Variants in LINGO2 observed in about 807,000 individuals in gnomAD.
The protein encoded by LINGO2 is leucine rich repeat and Ig domain containing 2, also known as leucine-rich repeat and immunoglobulin-like domain-containing nogo receptor-interacting protein 2.
A neutral mutation model predicts 30.6 loss-of-function variants in LINGO2; 14 were observed. The ratio of observed to expected loss-of-function variants is 0.46; its 90% CI spans 0.30 to 0.72. LINGO2 has a LOEUF of 0.72. Ranked by LOEUF, LINGO2 falls within the 30% of genes least tolerant of loss-of-function variation. LINGO2 has a pLI of 0.07. For missense variants in LINGO2, 729 were observed against 751.7 expected, an observed-to-expected ratio of 0.97 and a Z score of 0.35; for synonymous variants, 317 against 288.5, an observed-to-expected ratio of 1.10 and a Z score of -1.00.
At chr9:29,173,313 T>G in the LINGO2 span, among the ~76,000 whole-genome samples, 8 of 152,244 alleles carry the variant, frequency 5.3e-5, no homozygotes, top group East Asian at 1.5e-3. Flanking sequence ...TCTCCAACCC[T>G]GTATGCTTCA....
At chr9:28,586,611 G>A (rs1318115220) in intron 1 of LINGO2, among the ~76,000 whole-genome samples, 1 of 151,948 alleles carries the variant, frequency 6.6e-6, no homozygotes, top group Non-Finnish European at 1.5e-5. Flanking sequence ...AGGGTATTTA[G>A]TCTTCCCAAA....
intron 2 of LINGO2, among the ~76,000 whole-genome samples, chr9:28,466,307 A>G (rs1034558107): frequency 7.2e-5 from 11 of 152,198 alleles, no homozygotes; most frequent in African/African-American, 2.7e-4. Context: ...TGATCCCATC[A>G]TTTGCAGTGA....
chr9:28,820,917 A>G, the LINGO2 span, among the ~76,000 whole-genome samples: 3 of 152,218 alleles, frequency 2.0e-5, no homozygotes, highest in Admixed American at 6.5e-5. Flanking sequence ...CACTTGGTAA[A>G]GGGTGGAGGA....
At chr9:28,624,993 C>T (rs1385751049) in intron 1 of LINGO2, among the ~76,000 whole-genome samples, 1 of 151,858 alleles carries the variant, frequency 6.6e-6, no homozygotes, top group African/African-American at 2.4e-5. Context: ...TGGTGTCTCC[C>T]TAGATCACAT....
chr9:29,072,735 TTC>T, the LINGO2 span, among the ~76,000 whole-genome samples: 1 of 151,600 alleles, frequency 6.6e-6, no homozygotes, highest in Non-Finnish European at 1.5e-5. Context: ...CTCTCTTGTC[TTC>T]TCTTTCTTCT....
intron 1 of LINGO2, among the ~76,000 whole-genome samples, chr9:28,616,448 C>A (rs541436449): frequency 4.5e-4 from 69 of 152,188 alleles, no homozygotes; most frequent in African/African-American, 1.6e-3. Context: ...CTGAAGGTGA[C>A]AAAAGATGGT....
intron 1 of LINGO2, among the ~76,000 whole-genome samples, chr9:28,542,130 T>A (rs1445883596): frequency 6.6e-6 from 1 of 152,144 alleles, no homozygotes. Context: ...ACAAAGCATC[T>A]GCTAGGGAAC....
At chr9:29,189,550 G>A in the LINGO2 span, among the ~76,000 whole-genome samples, 2 of 151,414 alleles carry the variant, frequency 1.3e-5, no homozygotes, top group Admixed American at 6.6e-5. Flanking sequence ...AGGCAGAGAC[G>A]CTCCTCACTT....
At chr9:28,730,760 A>G in the LINGO2 span, among the ~76,000 whole-genome samples, 1 of 152,144 alleles carries the variant, frequency 6.6e-6, no homozygotes, top group African/African-American at 2.4e-5. Flanking sequence ...GGGAAACTCA[A>G]GCTAAAAGCA....
chr9:28,855,528 C>A, the LINGO2 span, among the ~76,000 whole-genome samples: 3 of 151,902 alleles, frequency 2.0e-5, no homozygotes, highest in African/African-American at 7.2e-5. Context: ...TATAATATAC[C>A]TAAATTAATT....
chr9:28,714,095 G>T, the LINGO2 span, among the ~76,000 whole-genome samples: 2 of 150,680 alleles, frequency 1.3e-5, no homozygotes, highest in Non-Finnish European at 3.0e-5. Flanking sequence ...GGAGGTGGAG[G>T]TTGCAGTGAG....
intron 1 of LINGO2, among the ~76,000 whole-genome samples, chr9:28,588,368 T>A (rs1400684159): frequency 6.6e-6 from 1 of 152,016 alleles, no homozygotes; most frequent in Non-Finnish European, 1.5e-5. Flanking sequence ...CCCAGGGGCA[T>A]CATTCACACA....
chr9:28,917,771 A>G, the LINGO2 span, among the ~76,000 whole-genome samples: 1 of 152,188 alleles, frequency 6.6e-6, no homozygotes, highest in Non-Finnish European at 1.5e-5. Context: ...AAGCTTGCTC[A>G]TTAAATTTTC....
chr9:28,683,531 A>G, the LINGO2 span, among the ~76,000 whole-genome samples: 1 of 152,264 alleles, frequency 6.6e-6, no homozygotes, highest in South Asian at 2.1e-4. Context: ...ACATGCCTCT[A>G]TTATTACATT....
At chr9:28,888,957 A>C in the LINGO2 span, 3 of 529,872 alleles carry the variant, frequency 5.7e-6, no homozygotes, top group African/African-American at 5.8e-5. Context: ...AATGCACACA[A>C]ACTTATTCTA....
At position 28,632,870 on chromosome 9, in the gene LINGO2, ATATATATAT is replaced by A. The variant is rs1563879096; in HGVS notation, c.-365+37321_-365+37329del. The stretch of plus-strand genomic sequence containing the variant: ...ATATATATTTTTTATATATATATAT[ATATATATAT>A]GTAGAGAGAGAGAGAGAGAGAGAGA... On this transcript the variant is annotated intron_variant, in intron 1 of 5. Coordinates refer to ENST00000379992, the Ensembl canonical transcript of LINGO2. Among the ~76,000 whole-genome samples, 23 of 106,350 alleles carry A rather than the reference ATATATATAT, an allele frequency of 2.2e-4. No homozygotes were observed. In the South Asian group the frequency reaches 5.3e-3, roughly 25 times the overall value. The allele number at this position is 106,350 out of a possible 152,430, so 69.8% of individuals were successfully genotyped here. A position where few individuals can be genotyped will look rare whatever the true frequency, so the allele number is the denominator to read the frequency against.
chr9:29,178,212 C>A, the LINGO2 span, among the ~76,000 whole-genome samples: 33 of 151,854 alleles, frequency 2.2e-4, no homozygotes, highest in African/African-American at 7.5e-4. Context: ...TGCACCAGCA[C>A]GCCCAGCTAT....
At chr9:28,839,206 ATC>A in the LINGO2 span, among the ~76,000 whole-genome samples, 1 of 152,096 alleles carries the variant, frequency 6.6e-6, no homozygotes, top group Non-Finnish European at 1.5e-5. Flanking sequence ...CGTGTTTCAG[ATC>A]TGTTTGTGTT....
intron 1 of LINGO2, among the ~76,000 whole-genome samples, chr9:28,519,273 T>G (rs565775241): frequency 6.6e-6 from 1 of 152,026 alleles, no homozygotes; most frequent in Non-Finnish European, 1.5e-5. Flanking sequence ...TGGGCTCAAG[T>G]GATCCCCGGC....
Sources: gnomAD v4.1 joint callset for allele counts (sites outside exome capture counted in the v4.1 genomes callset) on GRCh38, gnomAD v4.1.1 for gene constraint, MANE v1.5 for transcripts, NCBI Gene and HGNC (gene_info 2026-07-23, HGNC 2026-07-21) for gene names.